The following GRM5 variants were observed in gnomAD, a reference collection of about 807,000 sequenced individuals.
GRM5 encodes glutamate metabotropic receptor 5.
Under a neutral mutation model 83.1 loss-of-function variants are expected in GRM5, and 19 were observed. The observed-to-expected ratio is 0.23, with a 90% confidence interval of 0.16 to 0.34. The LOEUF (loss-of-function observed/expected upper bound fraction) is 0.34, where lower values mean the gene tolerates loss of function less well. Ranked by LOEUF, GRM5 falls within the 10% of genes least tolerant of loss-of-function variation. The probability of loss-of-function intolerance (pLI) is 1.00; values close to 1 mark genes in which losing one functional copy is unlikely to be tolerated. For missense variants in GRM5, 1,160 were observed against 1,588.3 expected, an observed-to-expected ratio of 0.73 and a Z score of 4.58; for synonymous variants, 675 against 633.6, an observed-to-expected ratio of 1.07 and a Z score of -0.98.
chr11:88,524,581 C>T (rs755628190), intron 9 of GRM5, among the ~76,000 whole-genome samples: 2 of 152,214 alleles, frequency 1.3e-5, no homozygotes, highest in Non-Finnish European at 2.9e-5. Context: ...TGCAACACAG[C>T]TTAGTTAATG....
At chr11:89,009,282 C>A (rs970808802) in intron 2 of GRM5, among the ~76,000 whole-genome samples, 2 of 152,114 alleles carry the variant, frequency 1.3e-5, no homozygotes, top group African/African-American at 4.8e-5. Context: ...TACCTCTTTT[C>A]CTTCTTTGGT....
At chr11:88,911,159 C>G (rs2135609593) in intron 2 of GRM5, among the ~76,000 whole-genome samples, 1 of 152,120 alleles carries the variant, frequency 6.6e-6, no homozygotes, top group Non-Finnish European at 1.5e-5. Flanking sequence ...TACCATAGAA[C>G]ATCTAAAAAC....
intron 2 of GRM5, among the ~76,000 whole-genome samples, chr11:88,977,463 G>A (rs919628929): frequency 6.6e-6 from 1 of 151,976 alleles, no homozygotes; most frequent in South Asian, 2.1e-4. Flanking sequence ...CGCCCACCTC[G>A]GCCTCCCAAA....
At chr11:89,013,323 A>G (rs1315981887) in intron 2 of GRM5, among the ~76,000 whole-genome samples, 1 of 152,210 alleles carries the variant, frequency 6.6e-6, no homozygotes. Flanking sequence ...TCCACAAATA[A>G]TCTTGTCTTT....
In GRM5 at chr11:88,791,226, T is replaced by C. The variant is rs1170486266; in HGVS notation, c.911+58680A>G. On this transcript the variant is annotated intron_variant, in intron 3 of 9. Transcript: ENST00000305447. The stretch of plus-strand genomic sequence containing the variant: ...CCAGGAGGACAGGAGGAAGTGGCAA[T>C]GGTAAGATAATGCACTGGCTGGGTT... Among the ~76,000 whole-genome samples, 5 of 152,144 alleles carry C rather than the reference T, an allele frequency of 3.3e-5. No homozygotes were observed. The East Asian group carries it at 9.6e-4, about 29-fold the overall frequency.
chr11:88,725,098 C>G (rs1031589494), intron 3 of GRM5, among the ~76,000 whole-genome samples: 76 of 152,228 alleles, frequency 5.0e-4, no homozygotes, highest in African/African-American at 1.7e-3. Context: ...CAAGTGGATC[C>G]CATCCTCATG....
At chr11:88,798,805 C>CAAAAAAAAAAAAAAAAAAAAAAAAAAAAA (rs4002396) in intron 3 of GRM5, among the ~76,000 whole-genome samples, 8 of 55,398 alleles carry the variant, frequency 1.4e-4, no homozygotes, top group African/African-American at 5.8e-4. Context: ...ATGAAAACAC[C>CAAAAAAAAAAAAAAAAAAAAAAAAAAAAA]AAAAAAAAAA....
chr11:88,663,169 G>T (rs1939950364), intron 3 of GRM5, among the ~76,000 whole-genome samples: 1 of 152,126 alleles, frequency 6.6e-6, no homozygotes, highest in Admixed American at 6.6e-5. Context: ...CTAATTCTGG[G>T]TGTGGTCAGT....
At chr11:88,918,355 G>A (rs11517464) in intron 2 of GRM5, among the ~76,000 whole-genome samples, 2,618 of 151,844 alleles carry the variant, frequency 0.017, 44 homozygotes, top group East Asian at 0.066. Context: ...TGGGTGCAGC[G>A]CACCAGCATG....
At chr11:88,801,579 T>C (rs1943395140) in intron 3 of GRM5, among the ~76,000 whole-genome samples, 1 of 152,124 alleles carries the variant, frequency 6.6e-6, no homozygotes, top group African/African-American at 2.4e-5. Flanking sequence ...TAGCATCAAA[T>C]TAAGGAACAA....
At chr11:88,665,162 TAC>T (rs1214459891) in intron 3 of GRM5, among the ~76,000 whole-genome samples, 10 of 141,010 alleles carry the variant, frequency 7.1e-5, no homozygotes, top group Admixed American at 1.4e-4. Context: ...TTAATTTATT[TAC>T]ACACACACAC....
intron 2 of GRM5, among the ~76,000 whole-genome samples, chr11:89,027,188 T>C (rs1235362719): frequency 3.9e-5 from 6 of 151,926 alleles, no homozygotes; most frequent in Non-Finnish European, 7.4e-5. Context: ...CTCCGCCTCC[T>C]GGGTTCAAAC....
chr11:88,987,133 C>T (rs1168551966), intron 2 of GRM5, among the ~76,000 whole-genome samples: 4 of 151,602 alleles, frequency 2.6e-5, no homozygotes, highest in African/African-American at 4.8e-5. Context: ...AGACAGTGGG[C>T]GCAGGTCAGT....
chr11:88,903,380 G>A (rs1415713451), intron 2 of GRM5, among the ~76,000 whole-genome samples: 2 of 152,182 alleles, frequency 1.3e-5, no homozygotes, highest in African/African-American at 4.8e-5. Flanking sequence ...ATTTGATTCA[G>A]CAATCCCACT....
chr11:88,694,594 A>G (rs549888299), intron 3 of GRM5, among the ~76,000 whole-genome samples: 13 of 152,134 alleles, frequency 8.5e-5, no homozygotes, highest in African/African-American at 3.1e-4. Flanking sequence ...GAGCTTGAAA[A>G]GTGTTAAACT....
chr11:88,882,758 C>T (rs1204024210), intron 2 of GRM5, among the ~76,000 whole-genome samples: 2 of 151,956 alleles, frequency 1.3e-5, no homozygotes, highest in African/African-American at 4.8e-5. Context: ...ATTTGTATTT[C>T]CATATGACAA....
At chr11:88,884,937 C>A (rs1378005157) in intron 2 of GRM5, among the ~76,000 whole-genome samples, 1 of 152,062 alleles carries the variant, frequency 6.6e-6, no homozygotes, top group African/African-American at 2.4e-5. Flanking sequence ...TCTTTATTAC[C>A]AGCATGAGAT....
intron 3 of GRM5, among the ~76,000 whole-genome samples, chr11:88,698,198 G>C (rs1940945225): frequency 6.6e-6 from 1 of 152,122 alleles, no homozygotes. Flanking sequence ...TCAGGGTAAA[G>C]ACAAAAGTCC....
At chr11:88,920,817 C>A (rs1945677806) in intron 2 of GRM5, among the ~76,000 whole-genome samples, 1 of 152,104 alleles carries the variant, frequency 6.6e-6, no homozygotes, top group African/African-American at 2.4e-5. Flanking sequence ...ACCTATCAAC[C>A]CTTGTTCTCT....
Sources: gnomAD v4.1 joint callset for allele counts (sites outside exome capture counted in the v4.1 genomes callset) on GRCh38, gnomAD v4.1.1 for gene constraint, MANE v1.5 for transcripts, NCBI Gene and HGNC (gene_info 2026-07-23, HGNC 2026-07-21) for gene names.